The following PHF14 variants were observed in gnomAD, a reference collection of about 807,000 sequenced individuals.
PHF14 encodes PHD finger protein 14.
In PHF14, 55 loss-of-function variants were observed where a neutral mutation model predicts 117.9. The ratio of observed to expected loss-of-function variants is 0.47; its 90% CI spans 0.38 to 0.58. The LOEUF (loss-of-function observed/expected upper bound fraction) is 0.58, where lower values mean the gene tolerates loss of function less well. Ranked by LOEUF, PHF14 falls within the 20% of genes least tolerant of loss-of-function variation. The probability of loss-of-function intolerance (pLI) is 0.00; values close to 1 mark genes in which losing one functional copy is unlikely to be tolerated. For synonymous variants in PHF14, 409 were observed against 368.6 expected (o/e 1.11, Z -1.26); for missense variants, 978 against 1,122.2 (o/e 0.87, Z 1.84).
At chr7:11,000,442 C>T (rs941929292) in intron 4 of PHF14, among the ~76,000 whole-genome samples, 4 of 147,284 alleles carry the variant, frequency 2.7e-5, no homozygotes, top group African/African-American at 7.6e-5. Flanking sequence ...CAGGTTCCTG[C>T]GATTCTCGTG....
At chr7:11,050,888 C>A (rs1262625411) in intron 13 of PHF14, among the ~76,000 whole-genome samples, 2 of 151,912 alleles carry the variant, frequency 1.3e-5, no homozygotes, top group Non-Finnish European at 2.9e-5. Flanking sequence ...TGTATAGTTT[C>A]TTTAAGTAGT....
intron 5 of PHF14, among the ~76,000 whole-genome samples, chr7:11,016,079 C>T (rs1002646301): frequency 6.6e-6 from 1 of 151,944 alleles, no homozygotes; most frequent in African/African-American, 2.4e-5. Flanking sequence ...GCCTCTTTAC[C>T]ATTTAGGTTT....
chr7:11,033,251 T>C (rs1420420772), intron 7 of PHF14, among the ~76,000 whole-genome samples: 1 of 152,218 alleles, frequency 6.6e-6, no homozygotes, highest in Non-Finnish European at 1.5e-5. Context: ...ACGAAGAAGT[T>C]GAATTCACTC....
At chr7:10,993,214 A>AATTATT (rs909049372) in intron 4 of PHF14, among the ~76,000 whole-genome samples, 1 of 151,572 alleles carries the variant, frequency 6.6e-6, no homozygotes, top group Non-Finnish European at 1.5e-5. Context: ...CTTACCAATT[A>AATTATT]ATTATTATTA....
chr7:11,047,500 G>GA (rs982995671), intron 13 of PHF14, among the ~76,000 whole-genome samples: 3 of 151,554 alleles, frequency 2.0e-5, no homozygotes, highest in African/African-American at 7.3e-5. Flanking sequence ...AGAAGGTATA[G>GA]AAAATTGAGA....
chr7:11,102,841 G>A (rs544572338), intron 16 of PHF14: 1 of 1,205,090 alleles, frequency 8.3e-7, no homozygotes, highest in East Asian at 4.2e-5. Context: ...TGTCAGAATT[G>A]TCGTATTAAG....
At chr7:11,057,194 T>C (rs959659846) in intron 14 of PHF14, among the ~76,000 whole-genome samples, 1 of 152,170 alleles carries the variant, frequency 6.6e-6, no homozygotes, top group African/African-American at 2.4e-5. Flanking sequence ...CTGACTCTTT[T>C]AGTTTTAAAT....
chr7:10,974,140 G>T lies in PHF14; in HGVS notation c.-184G>T, dbSNP rs1781779625. On this transcript the variant is annotated 5_prime_UTR_variant, in exon 1 of 18. Coordinates refer to ENST00000634607, the MANE Select transcript of PHF14 (RefSeq NM_001007157.2). ...CGGCCAGGGCCAGGCGAGGCCGGGG[G>T]GGCGGGGGGTTAGGGGACCGCGGGG... The T allele has an allele frequency of 1.7e-6, 1 of 600,702 alleles. No homozygotes were observed. The allele number at this position is 600,702 out of a possible 1,614,324, so 37.2% of individuals were successfully genotyped here.
At position 11,040,699 on chromosome 7, in the gene PHF14, G is replaced by A. The variant is rs868671364; in HGVS notation, c.2104G>A (p.Ala702Thr). 1.9e-6 allele frequency: 3 copies of A among 1,561,876 alleles called. No homozygotes were observed. Among genetic ancestry groups the A allele is most frequent in the Non-Finnish European group, 8.7e-7 (1 of 1,152,236 alleles). Residue 702 changes from alanine (A) to threonine (T), a missense_variant, in exon 12 of 18, where the codon GCA becomes ACA. This residue lies in a region of PHF14 where 237 missense variants were observed against 276.4 expected (regional missense o/e 0.86). Transcript: ENST00000634607. ...QKLNIPAILR[A>T]PKERKPSKKE... ...GTTGAATATACCGGCAATTTTGCGA[G>A]CACCCAAGGAGAGAAAACCAAGTAA...
At chr7:10,988,296 T>G (rs531654576) in intron 3 of PHF14, among the ~76,000 whole-genome samples, 6 of 152,122 alleles carry the variant, frequency 3.9e-5, no homozygotes, top group Non-Finnish European at 8.8e-5. Context: ...GAGATATGAT[T>G]TAGGCATTTA....
intron 16 of PHF14, among the ~76,000 whole-genome samples, chr7:11,069,941 T>TAA (rs1785557311): frequency 6.6e-6 from 1 of 152,018 alleles, no homozygotes; most frequent in Admixed American, 6.6e-5. Flanking sequence ...TCCCTTATTC[T>TAA]TTGTTTTTAA....
chr7:11,006,449 C>T, intron 4 of PHF14: 1 of 533,308 alleles, frequency 1.9e-6, no homozygotes, highest in South Asian at 1.4e-5. Context: ...TAATCAGGAG[C>T]CAGTCGAACA....
At position 11,051,612 on chromosome 7, in the gene PHF14, G is replaced by A; in HGVS notation, c.2313G>A (p.Trp771Ter). Residue 771 changes from tryptophan (W) to a stop codon, truncating the protein, a stop_gained and splice_region_variant, in exon 14 of 18, where the codon TGG becomes TGA. Coordinates refer to ENST00000634607, the MANE Select transcript of PHF14 (RefSeq NM_001007157.2). LOFTEE classifies it high-confidence loss of function. ...ACTTAAATTTTTCCCCTTTATGTAG[G>A]CAGTGCTCGGAATGTGACCAGGCAG... ...RMPRKTKNSY[W>*]QCSECDQAGS... 6.2e-7 allele frequency: 1 copy of A among 1,608,458 alleles called. No homozygotes were observed. Among genetic ancestry groups the A allele is most frequent in the Non-Finnish European group, 8.5e-7 (1 of 1,177,222 alleles).
chr7:11,043,171 ATATTT>A (rs1784553481), intron 13 of PHF14, among the ~76,000 whole-genome samples: 2 of 151,960 alleles, frequency 1.3e-5, no homozygotes, highest in Non-Finnish European at 2.9e-5. Flanking sequence ...TTGCAATTTA[ATATTT>A]TATTTTTGGA....
intron 14 of PHF14, among the ~76,000 whole-genome samples, chr7:11,057,323 A>G (rs914510605): frequency 6.6e-6 from 1 of 152,202 alleles, no homozygotes; most frequent in African/African-American, 2.4e-5. Context: ...TAGAAAAGTT[A>G]GAGAAATGTT....
intron 4 of PHF14, among the ~76,000 whole-genome samples, chr7:11,008,688 A>T (rs933783720): frequency 1.2e-4 from 19 of 152,134 alleles, no homozygotes; most frequent in African/African-American, 4.6e-4. Context: ...ATTTCTGACA[A>T]GTATTATGCA....
intron 17 of PHF14, among the ~76,000 whole-genome samples, chr7:11,167,083 A>G (rs1290946673): frequency 6.6e-6 from 1 of 152,222 alleles, no homozygotes; most frequent in Non-Finnish European, 1.5e-5. Context: ...ATAGTTAAAT[A>G]TGAAAATAAA....
At chr7:11,121,854 A>T (rs947595302) in intron 17 of PHF14, among the ~76,000 whole-genome samples, 3 of 148,550 alleles carry the variant, frequency 2.0e-5, no homozygotes, top group Admixed American at 6.7e-5. Context: ...TATTTCTGGA[A>T]TTTTTTTTTT....
At chr7:11,086,583 A>C (rs1279134578) in intron 16 of PHF14, among the ~76,000 whole-genome samples, 1 of 152,142 alleles carries the variant, frequency 6.6e-6, no homozygotes, top group Non-Finnish European at 1.5e-5. Context: ...TCCAGGTCCG[A>C]AGCCAATGCT....
Sources: gnomAD v4.1 joint callset for allele counts (sites outside exome capture counted in the v4.1 genomes callset) on GRCh38, gnomAD v4.1.1 for gene constraint, gnomAD v4.1.1 regional missense constraint, MANE v1.5 for transcripts, NCBI Gene and HGNC (gene_info 2026-07-23, HGNC 2026-07-21) for gene names.